The following ESYT3 variants were observed in gnomAD, a reference collection of about 807,000 sequenced individuals.
ESYT3 encodes extended synaptotagmin 3.
A neutral mutation model predicts 111.5 loss-of-function variants in ESYT3; 101 were observed. The observed-to-expected ratio is 0.91, with a 90% CI of 0.77 to 1.07. ESYT3 has a LOEUF of 1.07. Among genes scored for constraint, ESYT3 ranks in the 50% least tolerant of loss-of-function variants. ESYT3 has a pLI of 0.00. For synonymous variants in ESYT3, 416 were observed against 446.8 expected (o/e 0.93, Z 0.87); for missense variants, 1,097 against 1,109.4 (o/e 0.99, Z 0.16).
At chr3:138,470,340 G>A (rs954827069) in intron 16 of ESYT3, 194 bp downstream of exon 16, 11 of 1,286,626 alleles carry the variant, frequency 8.5e-6, no homozygotes, top group Middle Eastern at 3.0e-4. Flanking sequence ...TGTATAGGGG[G>A]ATGTGGGAGG....
intron 14 of ESYT3, among the ~76,000 whole-genome samples, chr3:138,469,085 G>A (rs374857785): frequency 6.6e-6 from 1 of 152,178 alleles, no homozygotes; most frequent in South Asian, 2.1e-4. Context: ...TGAGTCTCAT[G>A]ATGACTGTGT....
chr3:138,461,076 G>A (rs2032609558), intron 7 of ESYT3, among the ~76,000 whole-genome samples: 1 of 152,198 alleles, frequency 6.6e-6, no homozygotes, highest in Non-Finnish European at 1.5e-5. Flanking sequence ...GAGTGAATGT[G>A]GAGAAGTTGC....
chr3:138,480,111 C>T (rs924128637), downstream of ESYT3: 3 of 151,888 alleles, frequency 2.0e-5, no homozygotes, highest in Non-Finnish European at 4.4e-5. Flanking sequence ...CCCTGCAAAA[C>T]GTAGGAGGGG....
At chr3:138,452,300 T>C (rs908058794) in intron 2 of ESYT3, among the ~76,000 whole-genome samples, 5 of 152,104 alleles carry the variant, frequency 3.3e-5, no homozygotes, top group African/African-American at 1.2e-4. Context: ...GCAGAAAAAT[T>C]AGAAAATACA....
rs905848371 is a variant in ESYT3 at position 138,479,356 on chromosome 3, G to T, written c.*2502G>T. On this transcript the variant is annotated 3_prime_UTR_variant, in exon 23 of 23. Coordinates refer to ENST00000389567, the MANE Select transcript of ESYT3 (RefSeq NM_031913.5). Reference sequence around the variant, plus strand: ...TGTTAGTACTAACAACTAAGAAGGGGCAGCTAGGCTGATTAAGAAAGTAAG... The same window carrying T: ...TGTTAGTACTAACAACTAAGAAGGGTCAGCTAGGCTGATTAAGAAAGTAAG... 3 of 152,216 alleles carry T rather than the reference G, an allele frequency of 2.0e-5. No homozygotes were observed. Among genetic ancestry groups the T allele is most frequent in the African/African-American group, 7.2e-5 (3 of 41,454 alleles). The allele number at this position is 152,216 out of a possible 1,614,324, so 9.4% of individuals were successfully genotyped here. A position where few individuals can be genotyped will look rare whatever the true frequency, so the allele number is the denominator to read the frequency against.
Position 138,434,678 on chromosome 3 carries a change from C to G in ESYT3, c.-121C>G. ...GAGCTCGGCGCGCCGAGAGTCCCAG[C>G]AGGGCAAGGGGGCGCGGCGTCCTGG... is the stretch of plus-strand genomic sequence containing the variant. On this transcript the variant is annotated 5_prime_UTR_variant, in exon 1 of 23. Coordinates refer to ENST00000389567, the MANE Select transcript of ESYT3 (RefSeq NM_031913.5). 1 of 908,206 alleles carries G rather than the reference C, an allele frequency of 1.1e-6. No individual in the cohort carries two copies. The highest frequency in any genetic ancestry group is 1.6e-6 in the Non-Finnish European group (1 of 630,974). The allele number at this position is 908,206 out of a possible 1,614,324, so 56.3% of individuals were successfully genotyped here.
In ESYT3 at chr3:138,448,266, T is replaced by TAAAA. The variant is rs71146126; in HGVS notation, c.328-3758_328-3755dup. Among the ~76,000 whole-genome samples, 144 of 44,604 alleles carry TAAAA rather than the reference T, an allele frequency of 3.2e-3. 9 individuals carry two copies. Among genetic ancestry groups the TAAAA allele is most frequent in the Middle Eastern group, 0.016 (1 of 62 alleles). The allele number at this position is 44,604 out of a possible 152,430, so 29.3% of individuals were successfully genotyped here. A position where few individuals can be genotyped will look rare whatever the true frequency, so the allele number is the denominator to read the frequency against. The stretch of plus-strand genomic sequence containing the variant: ...TGGGCAACAAAAATGAAACTCGATC[T>TAAAA]AAAAAAAAAAAAAAAAAAAAAAAAA... On this transcript the variant is annotated intron_variant, in intron 1 of 22. Coordinates refer to ENST00000389567, the MANE Select transcript of ESYT3 (RefSeq NM_031913.5).
chr3:138,467,004 C>T (rs976873519), intron 10 of ESYT3, among the ~76,000 whole-genome samples: 1 of 152,128 alleles, frequency 6.6e-6, no homozygotes, highest in African/African-American at 2.4e-5. Flanking sequence ...CACTAGGCCC[C>T]GCCCACCTTT....
At chr3:138,481,040 T>C (rs543049323), downstream of ESYT3, 12 of 152,262 alleles carry the variant, frequency 7.9e-5, 1 homozygote, top group South Asian at 2.5e-3. Flanking sequence ...TGTGAGAAAA[T>C]ACGAAATGGT....
chr3:138,450,268 A>G (rs745848985), intron 1 of ESYT3, among the ~76,000 whole-genome samples: 1 of 152,230 alleles, frequency 6.6e-6, no homozygotes, highest in African/African-American at 2.4e-5. Context: ...TTTCTACTTT[A>G]GTACTGGGCA....
chr3:138,454,074 A>G (rs893341314), intron 2 of ESYT3, among the ~76,000 whole-genome samples: 1 of 152,198 alleles, frequency 6.6e-6, no homozygotes, highest in Non-Finnish European at 1.5e-5. Context: ...CTCGGGTAAC[A>G]GGGGGACCCT....
At chr3:138,455,112 A>G in intron 2 of ESYT3, 82 bp from the exon 3 acceptor site, 1 of 1,544,178 alleles carries the variant, frequency 6.5e-7, no homozygotes, top group Non-Finnish European at 8.9e-7. Flanking sequence ...GCTGCAGAGA[A>G]TCAGGACCTT....
Position 138,476,831 on chromosome 3 carries a change from C to A in ESYT3, c.2638C>A (p.Pro880Thr). 1 of 1,614,058 alleles carries A rather than the reference C, an allele frequency of 6.2e-7. No individual in the cohort carries two copies. Among genetic ancestry groups the A allele is most frequent in the East Asian group, 2.2e-5 (1 of 44,880 alleles). The change falls in exon 23 of 23, where the codon CCA becomes ACA. Residue 880 changes from proline to threonine, a missense_variant. Transcript: ENST00000389567. ...KGFSQWYELTPNGQPRS is the reference protein window; with the variant it reads ...KGFSQWYELTTNGQPRS ...ACTGTCTTACAGGTATGAGCTGACT[C>A]CAAATGGACAGCCCAGAAGCTGATG...
chr3:138,458,700 C>T (rs145020658), intron 4 of ESYT3, among the ~76,000 whole-genome samples: 7 of 152,344 alleles, frequency 4.6e-5, no homozygotes, highest in South Asian at 4.1e-4. Flanking sequence ...TGAAGCCTGA[C>T]GCCTTGTTAC....
chr3:138,469,405 C>A, intron 14 of ESYT3, 31 bp from the exon 15 acceptor site: 1 of 1,594,210 alleles, frequency 6.3e-7, no homozygotes, highest in Non-Finnish European at 8.6e-7. Context: ...GACTATGCCA[C>A]CTTCACTGTT....
Position 138,448,024 on chromosome 3 carries a change from T to C in ESYT3, c.328-4024T>C, listed in dbSNP as rs551558194. ...GGCTCATGCCTGTAATCCCAACGCG[T>C]TGGGAGGCCGAGGCTGGTGGATCAG... On this transcript the variant is annotated intron_variant, in intron 1 of 22. Transcript: ENST00000389567. Among the ~76,000 whole-genome samples, 730 of 151,850 alleles carry C rather than the reference T, an allele frequency of 4.8e-3. 2 individuals carry two copies. Among genetic ancestry groups the C allele is most frequent in the Non-Finnish European group, 8.7e-3 (594 of 67,914 alleles).
At chr3:138,470,832 T>C in intron 16 of ESYT3, 45 bp from the exon 17 acceptor site, 1 of 1,612,336 alleles carries the variant, frequency 6.2e-7, no homozygotes, top group Non-Finnish European at 8.5e-7. Context: ...AGTGGAGTGG[T>C]GGGGCTTGGT....
intron 20 of ESYT3, 143 bp downstream of exon 20, chr3:138,474,495 CT>C: frequency 1.1e-6 from 1 of 922,292 alleles, no homozygotes; most frequent in Non-Finnish European, 1.5e-6. Context: ...CATGAAGCTT[CT>C]GTACGTTAGT....
chr3:138,436,974 C>A (rs1033576285), intron 1 of ESYT3, among the ~76,000 whole-genome samples: 2 of 151,852 alleles, frequency 1.3e-5, no homozygotes, highest in African/African-American at 4.8e-5. Flanking sequence ...CCCCCACATA[C>A]ACCACAGAGA....
Sources: gnomAD v4.1 joint callset for allele counts (sites outside exome capture counted in the v4.1 genomes callset) on GRCh38, gnomAD v4.1.1 for gene constraint, MANE v1.5 for transcripts, NCBI Gene and HGNC (gene_info 2026-07-23, HGNC 2026-07-21) for gene names.